The following BLACAT1 variants were observed in gnomAD, a reference collection of about 807,000 sequenced individuals.
BLACAT1 encodes the protein bladder cancer associated transcript 1.
Position 205,448,444 on chromosome 1 carries a change from G to T in BLACAT1, c.-36-7382C>A. 1 of 530,732 alleles carries T rather than the reference G, an allele frequency of 1.9e-6. No homozygotes were observed. The allele number at this position is 530,732 out of a possible 1,614,324, so 32.9% of individuals were successfully genotyped here. On this transcript the variant is annotated intron_variant, in intron 1 of 1. Transcript: ENST00000629624. The surrounding 1 kb of genome is among the most constrained non-coding windows in gnomAD (Gnocchi z 4.7). ...TCTCATAGGGAAGCGAGAAGCTGGG[G>T]CACCCGAGAAGCCCTCACTCCCCTT...
At chr1:205,439,266 G>A (rs1666255586), downstream of BLACAT1, among the ~76,000 whole-genome samples, 1 of 152,196 alleles carries the variant, frequency 6.6e-6, no homozygotes, top group Admixed American at 6.5e-5. Context: ...TTCCCTTGAG[G>A]GAAGGACTTC....
Position 205,441,857 on chromosome 1 carries a change from C to T in BLACAT1, c.-36-795G>A, listed in dbSNP as rs895070278. Among the ~76,000 whole-genome samples the T allele has an allele frequency of 3.9e-5, 6 of 152,190 alleles. No individual in the cohort carries two copies. The highest frequency in any genetic ancestry group is 6.5e-5 in the Admixed American group (1 of 15,290). On this transcript the variant is annotated intron_variant, in intron 1 of 1. Coordinates refer to ENST00000629624, the Ensembl canonical transcript of BLACAT1. The surrounding 1 kb of genome is among the most constrained non-coding windows in gnomAD (Gnocchi z 4.3). Reference sequence around the variant, plus strand: ...AGGCTGGATCTGCCCCAGCTGGACACGCTGTCCCCCACCTCTGGCTGACCC... The same window carrying T: ...AGGCTGGATCTGCCCCAGCTGGACATGCTGTCCCCCACCTCTGGCTGACCC...
chr1:205,449,641 C>A (rs1480418687), intron 1 of BLACAT1, among the ~76,000 whole-genome samples: 1 of 152,146 alleles, frequency 6.6e-6, no homozygotes, highest in Non-Finnish European at 1.5e-5. Context: ...TCCAGACATG[C>A]CCAACCTTCA....
At position 205,447,000 on chromosome 1, in the gene BLACAT1, C is replaced by T. The variant is rs554632095; in HGVS notation, c.-36-5938G>A. Among the ~76,000 whole-genome samples the T allele has an allele frequency of 1.4e-4, 22 of 152,326 alleles. No homozygotes were observed. The South Asian group carries it at 1.9e-3, about 13-fold the overall frequency. On this transcript the variant is annotated intron_variant, in intron 1 of 1. Transcript: ENST00000629624. Reference sequence around the variant, plus strand: ...ACAAAGGGTGATTGGAGTTGGGCCACGGGGCCAATTTGTGGACGTGCATCC... The same window carrying T: ...ACAAAGGGTGATTGGAGTTGGGCCATGGGGCCAATTTGTGGACGTGCATCC...
At chr1:205,439,277 T>G (rs6696979), downstream of BLACAT1, among the ~76,000 whole-genome samples, 4 of 152,102 alleles carry the variant, frequency 2.6e-5, no homozygotes, top group Admixed American at 6.5e-5. Context: ...GAAGGACTTC[T>G]GTTTATAATT....
At chr1:205,445,118 T>A (rs957348075) in intron 1 of BLACAT1, among the ~76,000 whole-genome samples, 4 of 152,028 alleles carry the variant, frequency 2.6e-5, no homozygotes, top group African/African-American at 9.7e-5. Context: ...GCTCGGGCGG[T>A]GGAGCAGACA....
chr1:205,436,954 A>G (rs1280039170), downstream of BLACAT1: 1 of 152,444 alleles, frequency 6.6e-6, no homozygotes, highest in Non-Finnish European at 1.5e-5. Context: ...ACTCATCGCC[A>G]CCTGTTATGG....
rs1666300518 is a variant in BLACAT1 at position 205,441,994 on chromosome 1, G to A, written c.-36-932C>T. On this transcript the variant is annotated intron_variant, in intron 1 of 1. Transcript: ENST00000629624. This position sits in a 1 kb window ranked among gnomAD's most constrained non-coding sequence, Gnocchi z 4.3. Reference sequence around the variant, plus strand: ...CTGCAAGAGTATCCCTTTCTCCAAAGGCTCATTTAGGTTTCCCTAGCCTTA... The same window carrying A: ...CTGCAAGAGTATCCCTTTCTCCAAAAGCTCATTTAGGTTTCCCTAGCCTTA... Among the ~76,000 whole-genome samples the A allele has an allele frequency of 6.6e-6, 1 of 152,184 alleles. No individual in the cohort carries two copies. The highest frequency in any genetic ancestry group is 1.5e-5 in the Non-Finnish European group (1 of 68,036).
At chr1:205,454,527 A>AGTGTGTGT (rs746207549) in intron 1 of BLACAT1, among the ~76,000 whole-genome samples, 1 of 149,074 alleles carries the variant, frequency 6.7e-6, no homozygotes, top group South Asian at 2.1e-4. Flanking sequence ...ATCTGGTGTG[A>AGTGTGTGT]GTGTGTGTGT....
At chr1:205,439,362 G>T (rs898198685), downstream of BLACAT1, among the ~76,000 whole-genome samples, 1 of 152,228 alleles carries the variant, frequency 6.6e-6, no homozygotes, top group Non-Finnish European at 1.5e-5. Flanking sequence ...GGGGTTGGAG[G>T]ATGGGAGGAG....
downstream of BLACAT1, chr1:205,434,958 A>G (rs561627827): frequency 9.8e-5 from 15 of 152,324 alleles, no homozygotes; most frequent in African/African-American, 3.6e-4. Context: ...GGCAACCAGA[A>G]AAGTGCTTAC....
At chr1:205,447,454 T>G (rs528649797) in intron 1 of BLACAT1, among the ~76,000 whole-genome samples, 1 of 152,228 alleles carries the variant, frequency 6.6e-6, no homozygotes, top group South Asian at 2.1e-4. Context: ...TGGTCTGTCT[T>G]AGACAGACTG....
At chr1:205,434,979 T>C (rs1289621342), downstream of BLACAT1, 2 of 152,174 alleles carry the variant, frequency 1.3e-5, no homozygotes, top group African/African-American at 4.8e-5. Flanking sequence ...TCCAGGTGCA[T>C]AGATTCGGGA....
At chr1:205,452,671 A>G (rs937660609) in intron 1 of BLACAT1, among the ~76,000 whole-genome samples, 1 of 152,186 alleles carries the variant, frequency 6.6e-6, no homozygotes, top group African/African-American at 2.4e-5. Flanking sequence ...GAGCTTACTC[A>G]TCCTCTCAGA....
At position 205,441,295 on chromosome 1, in the gene BLACAT1, G is replaced by A. The variant is rs74141210; in HGVS notation, c.-36-233C>T. On this transcript the variant is annotated intron_variant, in intron 1 of 1. Transcript: ENST00000629624. This position sits in a 1 kb window ranked among gnomAD's most constrained non-coding sequence, Gnocchi z 4.3. ...TGGAGCTGATGTCATTCCTCACATT[G>A]GAGACAGGGTGAGTCCAAGGGAGGA... 0.062 allele frequency among the ~76,000 whole-genome samples: 9,435 copies of A among 152,168 alleles called. 509 individuals carry two copies. Among genetic ancestry groups the A allele is most frequent in the African/African-American group, 0.14 (5,922 of 41,490 alleles).
Position 205,450,284 on chromosome 1 carries a change from G to A in BLACAT1, c.-37+5633C>T, listed in dbSNP as rs1479511088. Among the ~76,000 whole-genome samples the A allele has an allele frequency of 2.6e-5, 4 of 151,636 alleles. No homozygotes were observed. Among genetic ancestry groups the A allele is most frequent in the Admixed American group, 6.6e-5 (1 of 15,242 alleles). On this transcript the variant is annotated intron_variant, in intron 1 of 1. Transcript: ENST00000629624. The surrounding 1 kb of genome is among the most constrained non-coding windows in gnomAD (Gnocchi z 4.4). ...TCTGAACCAGCCATGTATTACTCACGTCCCCCTGCCGGGCTATTGGTGCAG... is the reference window on the plus strand; with the variant it reads ...TCTGAACCAGCCATGTATTACTCACATCCCCCTGCCGGGCTATTGGTGCAG...
intron 1 of BLACAT1, among the ~76,000 whole-genome samples, chr1:205,442,669 T>C (rs969003685): frequency 7.9e-5 from 12 of 152,288 alleles, no homozygotes; most frequent in African/African-American, 2.6e-4. Flanking sequence ...CATGGGTAGG[T>C]AGGCTGGTTA....
exon 2 of BLACAT1, among the ~76,000 whole-genome samples, chr1:205,440,044 G>A (rs1204075479): frequency 2.0e-5 from 3 of 152,054 alleles, no homozygotes; most frequent in African/African-American, 4.8e-5. Context: ...CACCACATAT[G>A]AACGCAGTCC....
intron 1 of BLACAT1, among the ~76,000 whole-genome samples, chr1:205,445,165 T>C (rs1280774980): frequency 1.3e-5 from 2 of 151,958 alleles, no homozygotes; most frequent in African/African-American, 4.8e-5. Flanking sequence ...GGGGGTGAAT[T>C]GGGTTTTCTC....
Sources: allele counts gnomAD v4.1 joint callset (sites outside exome capture counted in the v4.1 genomes callset), GRCh38; gene constraint gnomAD v4.1.1; non-coding constraint Gnocchi (gnomAD v3.1); transcripts MANE v1.5; gene names NCBI Gene and HGNC (gene_info 2026-07-23, HGNC 2026-07-21).